The following OR10H1 variants were observed in gnomAD, a reference collection of about 807,000 sequenced individuals.
OR10H1 encodes the protein olfactory receptor family 10 subfamily H member 1.
Under a neutral mutation model 13.1 loss-of-function variants are expected in OR10H1, and 12 were observed. The ratio of observed to expected loss-of-function variants is 0.92; its 90% CI spans 0.59 to 1.48. The LOEUF (loss-of-function observed/expected upper bound fraction) is 1.48. Among genes scored for constraint, OR10H1 ranks in the 40% most tolerant of loss-of-function variants. The pLI is 0.00. For synonymous variants in OR10H1, 168 were observed against 175.6 expected, an observed-to-expected ratio of 0.96 and a Z score of 0.34; for missense variants, 363 against 413.1, an observed-to-expected ratio of 0.88 and a Z score of 1.05.
intron 1 of OR10H1, among the ~76,000 whole-genome samples, chr19:15,814,478 TGTGAGAGAGA>T (rs1289213228): frequency 5.3e-4 from 14 of 26,494 alleles, no homozygotes; most frequent in South Asian, 1.9e-3. Context: ...TGTGTGTGTG[TGTGAGAGAGA>T]GAGAGAGAGA....
intron 2 of OR10H1, among the ~76,000 whole-genome samples, chr19:15,809,583 G>A (rs2088921717): frequency 6.6e-6 from 1 of 152,138 alleles, no homozygotes. Flanking sequence ...GTGAGCCACT[G>A]CATCTGGCCA....
chr19:15,808,026 G>T lies in OR10H1; in HGVS notation c.12C>A (p.Ala4=). ...TGAATTGGGTCACTGTGGAGTGATT[G>T]GCTCTCTGCATGGAGGCTGTGCCTG... MQR[A]NHSTVTQFIL... is the part of the protein sequence containing the mutation. The change falls in exon 4 of 4, where the codon GCC becomes GCA. Residue 4 remains alanine, a synonymous_variant. Coordinates refer to ENST00000641419, the MANE Select transcript of OR10H1 (RefSeq NM_013940.4). 4.3e-6 allele frequency: 7 copies of T among 1,611,524 alleles called. No homozygotes were observed. The highest frequency in any genetic ancestry group is 5.9e-6 in the Non-Finnish European group (7 of 1,177,916).
chr19:15,813,474 A>AAG (rs57320070), intron 1 of OR10H1, among the ~76,000 whole-genome samples: 12,467 of 138,730 alleles, frequency 0.09, 607 homozygotes, highest in Middle Eastern at 0.14. Flanking sequence ...GAGGCAGGGG[A>AAG]AGAGAGAGAG....
chr19:15,807,061 T>C lies in OR10H1; in HGVS notation c.*20A>G. On this transcript the variant is annotated 3_prime_UTR_variant, in exon 4 of 4. Transcript: ENST00000641419. ...AATAGCCTTCGGTAATCCAATTTAG[T>C]TGTTCCCAGTGAATTTCTCCTACAT... 6.3e-7 allele frequency: 1 copy of C among 1,593,788 alleles called. No individual in the cohort carries two copies.
rs375356636 is a variant in OR10H1, at chr19:15,807,589, G to A, written c.449C>T (p.Ala150Val). Residue 150 changes from alanine to valine, a missense_variant, in exon 4 of 4, where the codon GCT (alanine) becomes GTT (valine). Coordinates refer to ENST00000641419, the MANE Select transcript of OR10H1 (RefSeq NM_013940.4). ...GCACLVGCSW[A>V]GGLVMGMVVT... ...CACCATCCCCATGACCAAGCCACCAGCCCAGGAGCAGCCCACCAGGCAGGC... is the reference window on the plus strand; with the variant it reads ...CACCATCCCCATGACCAAGCCACCAACCCAGGAGCAGCCCACCAGGCAGGC... The A allele has an allele frequency of 4.3e-6, 7 of 1,614,148 alleles. No homozygotes were observed. The highest frequency in any genetic ancestry group is 1.1e-5 in the South Asian group (1 of 91,092).
chr19:15,815,131 G>A (rs2088959190), intron 1 of OR10H1, among the ~76,000 whole-genome samples: 1 of 152,086 alleles, frequency 6.6e-6, no homozygotes. Context: ...ACGAGATCAG[G>A]AGTTCAAGAC....
chr19:15,804,614 C>A lies in OR10H1; in HGVS notation c.*2467G>T, dbSNP rs1390195140. The stretch of plus-strand genomic sequence containing the variant: ...GTATATGTGCCACATTTTCTTAATC[C>A]AGTCTATCATTGTTGGACATTTGGG... On this transcript the variant is annotated 3_prime_UTR_variant, in exon 4 of 4. Transcript: ENST00000641419. 6.6e-6 allele frequency: 1 copy of A among 152,134 alleles called. No individual in the cohort carries two copies. The highest frequency in any genetic ancestry group is 1.5e-5 in the Non-Finnish European group (1 of 68,036). 9.4% of individuals were successfully genotyped at this position (152,134 alleles called of 1,614,324 possible). A position where few individuals can be genotyped will look rare whatever the true frequency, so the allele number is the denominator to read the frequency against.
At chr19:15,808,926 C>T (rs981232148) in intron 2 of OR10H1, 85 bp from the exon 3 acceptor site, 2 of 152,188 alleles carry the variant, frequency 1.3e-5, no homozygotes, top group African/African-American at 4.8e-5. Flanking sequence ...TTCATTCCTT[C>T]TCTGCCCTCC....
chr19:15,804,962 C>T lies in OR10H1; in HGVS notation c.*2119G>A, dbSNP rs1722507559. On this transcript the variant is annotated 3_prime_UTR_variant, in exon 4 of 4. Coordinates refer to ENST00000641419, the MANE Select transcript of OR10H1 (RefSeq NM_013940.4). ...CATTGTGGTTTCCATTTGCATTTCT[C>T]TGATGGCCAGTGATGACGAGCATTT... 1 of 152,238 alleles carries T rather than the reference C, an allele frequency of 6.6e-6. No individual in the cohort carries two copies. The highest frequency in any genetic ancestry group is 2.4e-5 in the African/African-American group (1 of 41,460). 9.4% of individuals were successfully genotyped at this position (152,238 alleles called of 1,614,324 possible).
Position 15,807,836 on chromosome 19 carries a change from C to T in OR10H1, c.202G>A (p.Val68Ile), listed in dbSNP as rs771720675. Reference protein sequence around the residue: ...PMYLFLCALSVSEILYTVAII... With the variant: ...PMYLFLCALSISEILYTVAII... ...GCCACGGTGTAGAGGATCTCGGAGACGGAGAGGGCGCACAGGAAGAGGTAC... is the reference window on the plus strand; with the variant it reads ...GCCACGGTGTAGAGGATCTCGGAGATGGAGAGGGCGCACAGGAAGAGGTAC... The change falls in exon 4 of 4, where the codon GTC (valine) becomes ATC (isoleucine). Residue 68 changes from valine to isoleucine, a missense_variant. Transcript: ENST00000641419. The T allele has an allele frequency of 6.8e-6, 11 of 1,607,310 alleles. No individual in the cohort carries two copies. Among genetic ancestry groups the T allele is most frequent in the South Asian group, 2.2e-5 (2 of 90,564 alleles).
At chr19:15,812,193 C>T (rs2088935810) in intron 2 of OR10H1, 37 bp downstream of exon 2, 1 of 152,206 alleles carries the variant, frequency 6.6e-6, no homozygotes, top group Admixed American at 6.5e-5. Flanking sequence ...TGATTGATCT[C>T]AAAGCCTGTC....
rs2088905570 is a variant in OR10H1 at position 15,807,463 on chromosome 19, TC to T, written c.574del (p.Asp192MetfsTer36). 6.2e-7 allele frequency: 1 copy of T among 1,614,008 alleles called. No homozygotes were observed. The highest frequency in any genetic ancestry group is 1.3e-5 in the African/African-American group (1 of 74,900). ...PPLLKLACGD[D>X]VLVVAKGVGL... ...CACGCCTTTGGCCACCACCAGCACA[TC>T]GTCTCCACAGGCCAACTTCAACAGA... On this transcript the variant is annotated frameshift_variant, in exon 4 of 4. Coordinates refer to ENST00000641419, the MANE Select transcript of OR10H1 (RefSeq NM_013940.4). LOFTEE classifies it high-confidence loss of function.
At chr19:15,809,399 T>C (rs560734184) in intron 2 of OR10H1, among the ~76,000 whole-genome samples, 146 of 152,212 alleles carry the variant, frequency 9.6e-4, no homozygotes, top group Middle Eastern at 3.4e-3. Flanking sequence ...CAAGCAATCT[T>C]CCTACCTCAG....
rs1017859236 is a variant in OR10H1, at chr19:15,807,941, G to C, written c.97C>G (p.Leu33Val). 1.9e-6 allele frequency: 3 copies of C among 1,614,078 alleles called. No homozygotes were observed. Among genetic ancestry groups the C allele is most frequent in the Non-Finnish European group, 2.5e-6 (3 of 1,180,044 alleles). The change falls in exon 4 of 4, where the codon CTG (leucine) becomes GTG (valine). Residue 33 changes from leucine (L) to valine (V), a missense_variant. Physicochemically the swap from Leu to Val is conservative, Grantham distance 32. Transcript: ENST00000641419. ...LQLMLFLLFL[L>V]MYLFTLLGNL... ...CCCAGCAGCGTGAACAGGTACATCA[G>C]CAGGAACAGCAGGAAGAGCATCAGC...
chr19:15,807,132 C>T lies in OR10H1; in HGVS notation c.906G>A (p.Met302Ile). 6.2e-7 allele frequency: 1 copy of T among 1,614,158 alleles called. No individual in the cohort carries two copies. The highest frequency in any genetic ancestry group is 1.3e-5 in the African/African-American group (1 of 75,040). The change falls in exon 4 of 4, where the codon ATG (methionine) becomes ATA (isoleucine). Residue 302 changes from methionine to isoleucine, a missense_variant. By Grantham distance (10) the Met-to-Ile change is conservative. Transcript: ENST00000641419. ...AGAGTTTACTGAAGAAGGTCTTCTTCATGGCGACCTTCAGCTCCTTGTTCC... is the reference window on the plus strand; with the variant it reads ...AGAGTTTACTGAAGAAGGTCTTCTTTATGGCGACCTTCAGCTCCTTGTTCC... Reference protein sequence around the residue: ...SLRNKELKVAMKKTFFSKLYP... With the variant: ...SLRNKELKVAIKKTFFSKLYP...
chr19:15,813,144 T>C (rs1009006029), intron 1 of OR10H1, among the ~76,000 whole-genome samples: 4 of 111,916 alleles, frequency 3.6e-5, no homozygotes, highest in Non-Finnish European at 5.5e-5. Flanking sequence ...AACAGATTAA[T>C]GGTAAAAAAA....
At chr19:15,810,880 TAAAG>T (rs1599313435) in intron 2 of OR10H1, among the ~76,000 whole-genome samples, 3 of 70,826 alleles carry the variant, frequency 4.2e-5, no homozygotes, top group African/African-American at 8.7e-5. Flanking sequence ...AAAATAAAAA[TAAAG>T]AAATAAAATA....
At chr19:15,814,743 G>A (rs970518774) in intron 1 of OR10H1, among the ~76,000 whole-genome samples, 1 of 152,072 alleles carries the variant, frequency 6.6e-6, no homozygotes, top group Non-Finnish European at 1.5e-5. Flanking sequence ...GGACTCAAGT[G>A]ATCCTCCCAC....
rs1326449419 is a variant in OR10H1, at chr19:15,804,854, C to A, written c.*2227G>T. 2 of 152,160 alleles carry A rather than the reference C, an allele frequency of 1.3e-5. No homozygotes were observed. Among genetic ancestry groups the A allele is most frequent in the African/African-American group, 4.8e-5 (2 of 41,444 alleles). The allele number at this position is 152,160 out of a possible 1,614,324, so 9.4% of individuals were successfully genotyped here. On this transcript the variant is annotated 3_prime_UTR_variant, in exon 4 of 4. Transcript: ENST00000641419. ...GTCCCACCAACAGTGTAAAAGTGTT[C>A]CTATTTCTCCACATCCTCTCCAGCA...
Sources: gnomAD v4.1 joint callset for allele counts (sites outside exome capture counted in the v4.1 genomes callset) on GRCh38, gnomAD v4.1.1 for gene constraint, MANE v1.5 for transcripts, NCBI Gene and HGNC (gene_info 2026-07-23, HGNC 2026-07-21) for gene names.